Variants in UGT2B15 observed in about 807,000 individuals in gnomAD.
The protein encoded by UGT2B15 is UDP glucuronosyltransferase family 2 member B15.
UGT2B15 carries 36 observed loss-of-function variants against 45.9 expected under a neutral mutation model. The observed-to-expected ratio is 0.78, with a 90% CI of 0.60 to 1.04. UGT2B15 has a LOEUF of 1.04. Among genes scored for constraint, UGT2B15 ranks in the 50% least tolerant of loss-of-function variants. The probability of loss-of-function intolerance (pLI) is 0.00; values close to 1 mark genes in which losing one functional copy is unlikely to be tolerated. For missense variants in UGT2B15, 617 were observed against 622.4 expected (o/e 0.99, Z 0.09); for synonymous variants, 219 against 216.4 (o/e 1.01, Z -0.11).
chr4:68,666,595 C>T (rs1164461131), intron 2 of UGT2B15, among the ~76,000 whole-genome samples: 2 of 151,788 alleles, frequency 1.3e-5, no homozygotes, highest in Non-Finnish European at 2.9e-5. Context: ...TTACATTTTA[C>T]AAACTTGCCT....
intron 5 of UGT2B15, among the ~76,000 whole-genome samples, chr4:68,651,341 C>A (rs1278980320): frequency 6.6e-6 from 1 of 151,948 alleles, no homozygotes; most frequent in East Asian, 1.9e-4. Context: ...AGGTGTAAGG[C>A]AGGGGACTAG....
chr4:68,656,539 A>G (rs1732812183), intron 3 of UGT2B15, among the ~76,000 whole-genome samples: 1 of 152,080 alleles, frequency 6.6e-6, no homozygotes, highest in Non-Finnish European at 1.5e-5. Flanking sequence ...GCAAAAGAGA[A>G]AACAAAACAA....
chr4:68,662,021 A>C (rs1459912205), intron 3 of UGT2B15, among the ~76,000 whole-genome samples: 1 of 151,998 alleles, frequency 6.6e-6, no homozygotes, highest in African/African-American at 2.4e-5. Flanking sequence ...ATCTTTATAA[A>C]CTGGAGTAGA....
chr4:68,666,748 A>G (rs1380124789), intron 2 of UGT2B15, among the ~76,000 whole-genome samples: 1 of 82,486 alleles, frequency 1.2e-5, no homozygotes, highest in Non-Finnish European at 3.2e-5. Context: ...ATATATATAT[A>G]TATATTTTTT....
chr4:68,667,758 T>C (rs1733182557), intron 2 of UGT2B15, among the ~76,000 whole-genome samples: 1 of 152,184 alleles, frequency 6.6e-6, no homozygotes. Flanking sequence ...TCTACAAATA[T>C]TTTTTGAAGA....
In UGT2B15 at chr4:68,665,998, G is replaced by T. The variant is rs150448276; in HGVS notation, c.873+2042C>A. ...ACCTGGGGGGTGGAGGTTTCAGTGA[G>T]CCGAGATCATGCTAGTATCAGTAAT... On this transcript the variant is annotated intron_variant, in intron 2 of 5. Transcript: ENST00000338206. 3.3e-3 allele frequency among the ~76,000 whole-genome samples: 496 copies of T among 152,222 alleles called. 5 individuals carry two copies. Among genetic ancestry groups the T allele is most frequent in the African/African-American group, 0.012 (481 of 41,522 alleles).
chr4:68,665,220 C>T (rs1396844956), intron 2 of UGT2B15, among the ~76,000 whole-genome samples: 2 of 152,138 alleles, frequency 1.3e-5, no homozygotes, highest in African/African-American at 4.8e-5. Context: ...GGGTTTAATT[C>T]TATTTATATA....
intron 3 of UGT2B15, among the ~76,000 whole-genome samples, chr4:68,656,534 A>G (rs1732811921): frequency 6.6e-6 from 1 of 152,118 alleles, no homozygotes. Context: ...CAGACGCAAA[A>G]GAGAAAACAA....
At position 68,654,019 on chromosome 4, in the gene UGT2B15, C is replaced by G. The variant is rs1229228365; in HGVS notation, c.1313+18G>C. ...ATAATTTATAAATACCACCTGGTCA[C>G]AAAACTGTAATACTCACACAGGGTC... On this transcript the variant is annotated intron_variant, in intron 5 of 5. Transcript: ENST00000338206. 6.2e-7 allele frequency: 1 copy of G among 1,605,718 alleles called. No individual in the cohort carries two copies. Among genetic ancestry groups the G allele is most frequent in the African/African-American group, 1.3e-5 (1 of 74,814 alleles).
At chr4:68,651,142 G>A (rs191522061) in intron 5 of UGT2B15, among the ~76,000 whole-genome samples, 301 of 151,938 alleles carry the variant, frequency 2.0e-3, no homozygotes, top group Middle Eastern at 0.01. Flanking sequence ...CTGTGCAGAA[G>A]CTCTTTAGTT....
rs1294830203 is a variant in UGT2B15, at chr4:68,670,538, T to C, written c.81A>G (p.Leu27=). The C allele has an allele frequency of 5.6e-6, 9 of 1,609,806 alleles. No homozygotes were observed. Among genetic ancestry groups the C allele is most frequent in the Non-Finnish European group, 6.8e-6 (8 of 1,179,176 alleles). ...AATGGCTGTATTCTGTGGGCCACAC[T>C]AGCACCTTTCCACAGCTTCCAGAGC... ...YFSSGSCGKV[L]VWPTEYSHWI... The change falls in exon 1 of 6, where the codon CTA becomes CTG. Residue 27 remains leucine (L), a synonymous_variant. Transcript: ENST00000338206.
rs147882612 is a variant in UGT2B15 at position 68,668,068 on chromosome 4, T to G, written c.845A>C (p.His282Pro). The G allele has an allele frequency of 1.2e-3, 1,945 of 1,613,946 alleles. 4 individuals are homozygous for G. Among genetic ancestry groups the G allele is most frequent in the Non-Finnish European group, 1.3e-3 (1,499 of 1,179,918 alleles). The change falls in exon 2 of 6, where the codon CAC becomes CCC. Residue 282 changes from histidine (H) to proline (P), a missense_variant. His to Pro is a moderately conservative substitution (Grantham distance 77). Transcript: ENST00000338206. ...AGGCAGGGGTTTGGCTGGTTTACAG[T>G]GAAGTCCTCCAACAAAATCAACATT... ...LPNVDFVGGL[H>P]CKPAKPLPKE...
chr4:68,651,088 T>C (rs1341645584), intron 5 of UGT2B15, among the ~76,000 whole-genome samples: 1 of 146,494 alleles, frequency 6.8e-6, no homozygotes, highest in African/African-American at 2.5e-5. Context: ...AAATCTTCCC[T>C]CATTCTGTAG....
rs187122357 is a variant in UGT2B15, at chr4:68,649,187, T to C, written c.1314-1804A>G. On this transcript the variant is annotated intron_variant, in intron 5 of 5. Coordinates refer to ENST00000338206, the MANE Select transcript of UGT2B15 (RefSeq NM_001076.4). Reference sequence around the variant, plus strand: ...TTCTAGTATGACTAGAACATATAATTTTTATGAATTTGAATCTGATACAAT... The same window carrying C: ...TTCTAGTATGACTAGAACATATAATCTTTATGAATTTGAATCTGATACAAT... 5.3e-3 allele frequency among the ~76,000 whole-genome samples: 799 copies of C among 151,938 alleles called. 9 individuals are homozygous for C. Among genetic ancestry groups the C allele is most frequent in the African/African-American group, 0.018 (745 of 41,440 alleles).
intron 5 of UGT2B15, among the ~76,000 whole-genome samples, chr4:68,648,030 C>G (rs546210405): frequency 6.6e-6 from 1 of 151,908 alleles, no homozygotes; most frequent in African/African-American, 2.4e-5. Context: ...CCCATTTTGA[C>G]GTATTTAAAG....
rs145285645 is a variant in UGT2B15, at chr4:68,647,194, G to T, written c.1503C>A (p.Cys501Ter). 383 of 1,613,670 alleles carry T rather than the reference G, an allele frequency of 2.4e-4. 4 individuals are homozygous for T. Among genetic ancestry groups the T allele is most frequent in the Non-Finnish European group, 3.2e-4 (372 of 1,179,910 alleles). ...SLDVIAFLLA[C>*]VATVIFIITK... ...TGATGATAAATATCACAGTTGCCAC[G>T]CAGGCCAGCAGGAATGCTATCACAT... The change falls in exon 6 of 6, where the codon TGC becomes TGA. Residue 501 changes from cysteine (C) to a stop codon, truncating the protein, a stop_gained. Transcript: ENST00000338206. LOFTEE classifies it low-confidence loss of function (END_TRUNC).
chr4:68,661,707 T>C (rs1052903348), intron 3 of UGT2B15, among the ~76,000 whole-genome samples: 12 of 152,074 alleles, frequency 7.9e-5, no homozygotes, highest in African/African-American at 2.9e-4. Flanking sequence ...TTGCTAACTA[T>C]CAAGTGCTAC....
chr4:68,663,210 A>C, intron 2 of UGT2B15, 71 bp from the exon 3 acceptor site: 1 of 1,528,724 alleles, frequency 6.5e-7, no homozygotes, highest in Non-Finnish European at 8.8e-7. Flanking sequence ...GGATTGTTAC[A>C]AACATCTAAG....
At chr4:68,658,221 A>G (rs1339167934) in intron 3 of UGT2B15, among the ~76,000 whole-genome samples, 1 of 151,972 alleles carries the variant, frequency 6.6e-6, no homozygotes, top group Non-Finnish European at 1.5e-5. Context: ...TGTGTTTTGT[A>G]CACAGTGTTT....
Sources: allele counts gnomAD v4.1 joint callset (sites outside exome capture counted in the v4.1 genomes callset), GRCh38; gene constraint gnomAD v4.1.1; transcripts MANE v1.5; gene names NCBI Gene and HGNC (gene_info 2026-07-23, HGNC 2026-07-21).